MARCHF1: variants seen among roughly 807,000 people sequenced by gnomAD.
The protein encoded by MARCHF1 is E3 ubiquitin-protein ligase MARCHF1.
A neutral mutation model predicts 54.2 loss-of-function variants in MARCHF1; 40 were observed. The ratio of observed to expected loss-of-function variants is 0.74; its 90% CI spans 0.57 to 0.96. MARCHF1 has a LOEUF of 0.96. Ranked by LOEUF, MARCHF1 falls within the 40% of genes least tolerant of loss-of-function variation. MARCHF1 has a pLI of 0.00. For missense variants in MARCHF1, 586 were observed against 656.5 expected (o/e 0.89, Z 1.17); for synonymous variants, 236 against 236.3 (o/e 1.00, Z 0.01).
At chr4:164,128,004 T>C (rs901882313) in intron 1 of MARCHF1, among the ~76,000 whole-genome samples, 1 of 152,152 alleles carries the variant, frequency 6.6e-6, no homozygotes, top group Admixed American at 6.5e-5. Flanking sequence ...GGCTCATGAA[T>C]AGACATAGAG....
chr4:164,189,047 A>G (rs1183231271), intron 1 of MARCHF1: 5 of 689,314 alleles, frequency 7.3e-6, no homozygotes, highest in Non-Finnish European at 1.3e-5. Flanking sequence ...CTGTTGTTCC[A>G]CCTGGGTGGC....
chr4:163,875,619 A>G (rs906955746), intron 3 of MARCHF1, among the ~76,000 whole-genome samples: 2 of 152,130 alleles, frequency 1.3e-5, no homozygotes, highest in African/African-American at 4.8e-5. Context: ...AATCTTTATT[A>G]TTTCCCTTTA....
intron 8 of MARCHF1, among the ~76,000 whole-genome samples, chr4:163,558,765 G>C (rs1025135989): frequency 1.3e-5 from 2 of 152,184 alleles, no homozygotes; most frequent in Non-Finnish European, 2.9e-5. Flanking sequence ...GCCTGTTCTT[G>C]CAGCTGCGTG....
intron 3 of MARCHF1, among the ~76,000 whole-genome samples, chr4:163,886,001 A>G (rs571352940): frequency 6.9e-6 from 1 of 144,776 alleles, no homozygotes; most frequent in East Asian, 2.0e-4. Flanking sequence ...ATACTACAGG[A>G]CACACTACCA....
chr4:164,362,368 A>G (rs1454040671), intron 1 of MARCHF1, among the ~76,000 whole-genome samples: 1 of 152,166 alleles, frequency 6.6e-6, no homozygotes, highest in Non-Finnish European at 1.5e-5. Flanking sequence ...AAAAATCTAG[A>G]TGATCAACAA....
At chr4:164,194,659 T>C (rs1716196998) in intron 1 of MARCHF1, among the ~76,000 whole-genome samples, 1 of 152,192 alleles carries the variant, frequency 6.6e-6, no homozygotes, top group Non-Finnish European at 1.5e-5. Flanking sequence ...TCAAGTTCTA[T>C]GACGCATTTA....
intron 3 of MARCHF1, among the ~76,000 whole-genome samples, chr4:163,890,096 T>TTA (rs1350777853): frequency 6.7e-6 from 1 of 150,314 alleles, no homozygotes; most frequent in African/African-American, 2.5e-5. Flanking sequence ...GGCTAATTTT[T>TTA]TTTTTTTTTT....
intron 2 of MARCHF1, among the ~76,000 whole-genome samples, chr4:164,003,374 C>T (rs1038440237): frequency 6.6e-6 from 1 of 151,886 alleles, no homozygotes; most frequent in Non-Finnish European, 1.5e-5. Flanking sequence ...TATAAACACA[C>T]CAATTCAAGG....
chr4:163,656,965 T>C (rs960640440), intron 5 of MARCHF1, among the ~76,000 whole-genome samples: 10 of 151,964 alleles, frequency 6.6e-5, no homozygotes, highest in African/African-American at 2.4e-4. Context: ...AATAGGCAAA[T>C]GCTGGAAGCA....
chr4:163,835,062 T>C (rs1328306315), intron 4 of MARCHF1, among the ~76,000 whole-genome samples: 1 of 152,110 alleles, frequency 6.6e-6, no homozygotes, highest in Non-Finnish European at 1.5e-5. Flanking sequence ...TTTAAATTTA[T>C]TGCAGAGATG....
chr4:164,219,871 C>T (rs918254794), intron 1 of MARCHF1, among the ~76,000 whole-genome samples: 1 of 151,912 alleles, frequency 6.6e-6, no homozygotes, highest in African/African-American at 2.4e-5. Context: ...AGAGAACATA[C>T]ATGTGTTTGA....
chr4:164,306,765 T>C (rs909710577), intron 1 of MARCHF1, among the ~76,000 whole-genome samples: 3 of 152,144 alleles, frequency 2.0e-5, no homozygotes, highest in African/African-American at 7.2e-5. Context: ...TTATCACTGA[T>C]CTGGAAAAGA....
intron 4 of MARCHF1, among the ~76,000 whole-genome samples, chr4:163,724,785 G>T (rs116411926): frequency 6.6e-6 from 1 of 152,146 alleles, no homozygotes; most frequent in Non-Finnish European, 1.5e-5. Flanking sequence ...ATGAGAATCC[G>T]CGGGCGTGGG....
intron 3 of MARCHF1, among the ~76,000 whole-genome samples, chr4:163,919,484 A>G (rs1437480584): frequency 2.6e-5 from 4 of 151,974 alleles, no homozygotes; most frequent in Non-Finnish European, 5.9e-5. Context: ...AATGTCCTGC[A>G]TTGATAGAGT....
chr4:163,678,669 T>C (rs1026002734), intron 5 of MARCHF1, among the ~76,000 whole-genome samples: 2 of 152,240 alleles, frequency 1.3e-5, no homozygotes, highest in African/African-American at 2.4e-5. Context: ...CATTGAATAC[T>C]GTTCTCTTCA....
At chr4:164,073,341 T>C (rs1250092631) in intron 2 of MARCHF1, among the ~76,000 whole-genome samples, 1 of 152,170 alleles carries the variant, frequency 6.6e-6, no homozygotes, top group East Asian at 1.9e-4. Flanking sequence ...TTCATGTCCT[T>C]TGCAGGGATA....
rs1311681103 is a variant in MARCHF1, at chr4:164,176,970, CTCTCTCTCTCTA to C, written c.-322-65320_-322-65309del. 1.6e-4 allele frequency among the ~76,000 whole-genome samples: 9 copies of C among 57,432 alleles called. No homozygotes were observed. In the South Asian group the frequency reaches 2.2e-3, roughly 14 times the overall value. 37.7% of individuals were successfully genotyped at this position (57,432 alleles called of 152,430 possible). ...TCTCTCTCTCTCTCTCTCTCTCTCT[CTCTCTCTCTCTA>C]TATATATATATATATATATATATAT... On this transcript the variant is annotated intron_variant, in intron 1 of 9. Coordinates refer to ENST00000514618, the MANE Select transcript of MARCHF1 (RefSeq NM_001394959.1).
At chr4:164,116,736 T>A (rs760268808) in intron 1 of MARCHF1, among the ~76,000 whole-genome samples, 21 of 152,058 alleles carry the variant, frequency 1.4e-4, no homozygotes, top group Non-Finnish European at 2.8e-4. Context: ...CAGACAACAC[T>A]GTTGTAGAGA....
At chr4:164,340,723 A>G (rs79841821) in intron 1 of MARCHF1, among the ~76,000 whole-genome samples, 2,219 of 151,336 alleles carry the variant, frequency 0.015, 70 homozygotes, top group East Asian at 0.13. Context: ...ATGCCTGGCC[A>G]TTTTTTCATA....
Sources: gnomAD v4.1 joint callset for allele counts (sites outside exome capture counted in the v4.1 genomes callset) on GRCh38, gnomAD v4.1.1 for gene constraint, MANE v1.5 for transcripts, NCBI Gene and HGNC (gene_info 2026-07-23, HGNC 2026-07-21) for gene names.